The following MEI1 variants were observed in gnomAD, a reference collection of about 807,000 sequenced individuals.
MEI1 encodes the protein meiosis inhibitor protein 1.
A neutral mutation model predicts 146.2 loss-of-function variants in MEI1; 103 were observed. That is an observed-to-expected ratio of 0.70 (90% CI 0.60 to 0.83). The LOEUF is 0.83. Ranked by LOEUF, MEI1 falls within the 40% of genes least tolerant of loss-of-function variation. MEI1 has a pLI of 0.00. For synonymous variants in MEI1, 652 were observed against 628.2 expected (o/e 1.04, Z -0.57); for missense variants, 1,529 against 1,533.0 (o/e 1.00, Z 0.04).
At chr22:41,759,901 C>T (rs910550366) in intron 18 of MEI1, among the ~76,000 whole-genome samples, 3 of 152,058 alleles carry the variant, frequency 2.0e-5, no homozygotes, top group Non-Finnish European at 2.9e-5. Flanking sequence ...GGGCCGGGTA[C>T]GGTGGCTCAC....
chr22:41,746,084 C>T (rs776425931), intron 14 of MEI1, 58 bp downstream of exon 14: 18 of 1,489,186 alleles, frequency 1.2e-5, no homozygotes, highest in African/African-American at 2.8e-5. Flanking sequence ...AATGTGCAGG[C>T]GAGCCAGGCT....
intron 17 of MEI1, among the ~76,000 whole-genome samples, chr22:41,755,921 T>G (rs2074063792): frequency 6.6e-6 from 1 of 152,030 alleles, no homozygotes; most frequent in Non-Finnish European, 1.5e-5. Flanking sequence ...ATGGATTCTT[T>G]CGGTTGACCT....
intron 11 of MEI1, among the ~76,000 whole-genome samples, chr22:41,742,682 T>C (rs916729729): frequency 1.3e-5 from 2 of 152,128 alleles, no homozygotes; most frequent in Non-Finnish European, 2.9e-5. Context: ...GACAAAGTCT[T>C]GTTCTGTCAC....
In MEI1 at chr22:41,745,672, T is replaced by C. The variant is rs370611466; in HGVS notation, c.1539-213T>C. On this transcript the variant is annotated intron_variant, in intron 13 of 30. Coordinates refer to ENST00000401548, the MANE Select transcript of MEI1 (RefSeq NM_152513.4). Reference sequence around the variant, plus strand: ...CACAATGGGGTAGAAGTACACATAGTTGGGGGAGGGGGTAGGGAGCAAGAA... The same window carrying C: ...CACAATGGGGTAGAAGTACACATAGCTGGGGGAGGGGGTAGGGAGCAAGAA... Among the ~76,000 whole-genome samples, 6 of 152,226 alleles carry C rather than the reference T, an allele frequency of 3.9e-5. No individual in the cohort carries two copies. The East Asian group carries it at 9.7e-4, about 24-fold the overall frequency.
chr22:41,747,049 T>TATAATAATA lies in MEI1; in HGVS notation c.1680+1034_1681-1039dup, dbSNP rs3045435. On this transcript the variant is annotated intron_variant, in intron 14 of 30. Coordinates refer to ENST00000401548, the MANE Select transcript of MEI1 (RefSeq NM_152513.4). ...TTCTTTAATGAGCATATATTACTTT[T>TATAATAATA]ATAATAATAATAATAATAAAACAAC... Among the ~76,000 whole-genome samples, 306 of 149,444 alleles carry TATAATAATA rather than the reference T, an allele frequency of 2.0e-3. 2 individuals are homozygous for TATAATAATA. The highest frequency in any genetic ancestry group is 0.012 in the East Asian group (62 of 5,052).
chr22:41,734,150 AAAAT>A (rs1201713771), intron 11 of MEI1, among the ~76,000 whole-genome samples: 3 of 152,148 alleles, frequency 2.0e-5, no homozygotes, highest in East Asian at 3.9e-4. Flanking sequence ...AAAATAAAAT[AAAAT>A]AAATAAAGTA....
intron 11 of MEI1, among the ~76,000 whole-genome samples, chr22:41,738,082 A>G (rs1359773769): frequency 6.6e-6 from 1 of 152,158 alleles, no homozygotes; most frequent in African/African-American, 2.4e-5. Context: ...TGGGAAGTCA[A>G]GGTAGGAGGA....
chr22:41,780,909 G>A (rs1602125294), intron 22 of MEI1, among the ~76,000 whole-genome samples: 1 of 151,912 alleles, frequency 6.6e-6, no homozygotes, highest in Admixed American at 6.5e-5. Context: ...TTGCTGACGG[G>A]GACAAGAGGA....
Position 41,793,823 on chromosome 22 carries a change from C to G in MEI1, c.3346-6C>G. 8 of 1,162,494 alleles carry G rather than the reference C, an allele frequency of 6.9e-6. No individual in the cohort carries two copies. The highest frequency in any genetic ancestry group is 1.8e-5 in the African/African-American group (1 of 55,830). 72.0% of individuals were successfully genotyped at this position (1,162,494 alleles called of 1,614,324 possible). A position where few individuals can be genotyped will look rare whatever the true frequency, so the allele number is the denominator to read the frequency against. ...CTGACCTGATTTTTTTTTTTTTTTT[C>G]TGCAGAAGGACCCTCTATTGTCCCA... On this transcript the variant is annotated splice_region_variant and splice_polypyrimidine_tract_variant and intron_variant, in intron 26 of 30. Transcript: ENST00000401548.
chr22:41,699,861 C>G, intron 1 of MEI1, 149 bp downstream of exon 1: 1 of 1,084,666 alleles, frequency 9.2e-7, no homozygotes, highest in East Asian at 2.9e-5. Flanking sequence ...CAGCCCGTCC[C>G]GGACCCGGCC....
intron 3 of MEI1, among the ~76,000 whole-genome samples, chr22:41,710,579 C>A (rs563544540): frequency 1.3e-5 from 2 of 152,282 alleles, no homozygotes; most frequent in African/African-American, 4.8e-5. Context: ...AGAGGCCATT[C>A]CACATTCTTT....
chr22:41,719,896 G>C (rs1467102372), intron 6 of MEI1, among the ~76,000 whole-genome samples: 1 of 152,174 alleles, frequency 6.6e-6, no homozygotes, highest in Non-Finnish European at 1.5e-5. Context: ...GTAGAGAAAA[G>C]CATAGTCTAT....
At chr22:41,720,489 G>A (rs1429656253) in intron 6 of MEI1, among the ~76,000 whole-genome samples, 1 of 152,088 alleles carries the variant, frequency 6.6e-6, no homozygotes, top group Non-Finnish European at 1.5e-5. Flanking sequence ...GGAGTGCAGT[G>A]GTAGGATCAC....
At chr22:41,787,617 C>T (rs1363648657) in intron 26 of MEI1, among the ~76,000 whole-genome samples, 1 of 152,110 alleles carries the variant, frequency 6.6e-6, no homozygotes, top group Non-Finnish European at 1.5e-5. Flanking sequence ...TAAAACCTTC[C>T]TTGGGTGAGG....
intron 7 of MEI1, among the ~76,000 whole-genome samples, chr22:41,728,198 T>G (rs941110343): frequency 2.0e-5 from 3 of 152,162 alleles, no homozygotes; most frequent in Non-Finnish European, 4.4e-5. Flanking sequence ...AAGCCTGTGT[T>G]GTTCAAGGGT....
At chr22:41,796,716 C>T (rs958232992) in intron 30 of MEI1, among the ~76,000 whole-genome samples, 2 of 152,106 alleles carry the variant, frequency 1.3e-5, no homozygotes, top group East Asian at 1.9e-4. Context: ...AGGCCAAGTG[C>T]GGTGGCTCAC....
intron 6 of MEI1, among the ~76,000 whole-genome samples, chr22:41,721,164 C>T (rs1207148295): frequency 1.0e-4 from 15 of 150,514 alleles, no homozygotes; most frequent in African/African-American, 1.5e-4. Flanking sequence ...CCGCCCATCT[C>T]GGCCTCCCCA....
intron 30 of MEI1, among the ~76,000 whole-genome samples, chr22:41,797,903 T>C (rs2076417743): frequency 6.6e-6 from 1 of 152,104 alleles, no homozygotes; most frequent in Non-Finnish European, 1.5e-5. Context: ...TTGGTGTCTG[T>C]TATTATTCCT....
chr22:41,763,865 C>G (rs959364524), intron 19 of MEI1, among the ~76,000 whole-genome samples: 1 of 151,790 alleles, frequency 6.6e-6, no homozygotes, highest in Non-Finnish European at 1.5e-5. Context: ...GGAAAAGAAT[C>G]AAGCACTTAA....
Sources: gnomAD v4.1 joint callset for allele counts (sites outside exome capture counted in the v4.1 genomes callset) on GRCh38, gnomAD v4.1.1 for gene constraint, MANE v1.5 for transcripts, NCBI Gene and HGNC (gene_info 2026-07-23, HGNC 2026-07-21) for gene names.